The following RFC3 variants were observed in gnomAD, a reference collection of about 807,000 sequenced individuals.
RFC3 encodes A1 38 kDa subunit.
Under a neutral mutation model 45.1 loss-of-function variants are expected in RFC3, and 41 were observed. That is an observed-to-expected ratio of 0.91 (90% confidence interval 0.71 to 1.18). RFC3 has a LOEUF of 1.18. Ranked by LOEUF, RFC3 falls within the 50% of genes most tolerant of loss-of-function variation. The pLI is 0.00. For synonymous variants in RFC3, 149 were observed against 144.0 expected (o/e 1.03, Z -0.25); for missense variants, 423 against 428.1 (o/e 0.99, Z 0.10).
At chr13:33,857,091 T>C (rs1191433351) in intron 8 of RFC3, among the ~76,000 whole-genome samples, 1 of 152,244 alleles carries the variant, frequency 6.6e-6, no homozygotes, top group African/African-American at 2.4e-5. Context: ...TTTCATGTCT[T>C]TGAACTTAAA....
intron 8 of RFC3, among the ~76,000 whole-genome samples, chr13:33,856,645 A>G (rs955830267): frequency 2.6e-5 from 4 of 152,190 alleles, no homozygotes; most frequent in African/African-American, 7.2e-5. Context: ...TTGACTCCAG[A>G]AAGATTTTCC....
At chr13:33,895,358 T>C (rs1301914556) in intron 8 of RFC3, among the ~76,000 whole-genome samples, 2 of 152,080 alleles carry the variant, frequency 1.3e-5, no homozygotes, top group Non-Finnish European at 2.9e-5. Flanking sequence ...CAAAAGAAGA[T>C]GTACAAATGG....
intron 4 of RFC3, among the ~76,000 whole-genome samples, chr13:33,827,763 G>A (rs1289011453): frequency 1.3e-5 from 2 of 152,056 alleles, no homozygotes; most frequent in Non-Finnish European, 1.5e-5. Flanking sequence ...TCCTCTGCTC[G>A]TCTTTCTTGC....
chr13:33,880,197 T>G (rs569113163), intron 8 of RFC3, among the ~76,000 whole-genome samples: 58 of 152,204 alleles, frequency 3.8e-4, no homozygotes, highest in Non-Finnish European at 6.5e-4. Flanking sequence ...TCTGACACAC[T>G]TCTTACCATA....
At chr13:33,872,792 A>AACCCCCC (rs1555235482) in intron 8 of RFC3, among the ~76,000 whole-genome samples, 1 of 97,448 alleles carries the variant, frequency 1.0e-5, no homozygotes, top group Admixed American at 1.2e-4. Flanking sequence ...AAGAAACCAA[A>AACCCCCC]CCCCCCCCCC....
chr13:33,964,329 T>C (rs969729704), intron 8 of RFC3, among the ~76,000 whole-genome samples: 3 of 152,164 alleles, frequency 2.0e-5, no homozygotes, highest in African/African-American at 7.2e-5. Context: ...TAAGCTATAA[T>C]GAAAAGAATG....
intron 8 of RFC3, among the ~76,000 whole-genome samples, chr13:33,957,284 C>G (rs917051081): frequency 6.6e-6 from 1 of 152,198 alleles, no homozygotes; most frequent in African/African-American, 2.4e-5. Flanking sequence ...ATTGGATGAT[C>G]AAGCCTGCAT....
At chr13:33,833,181 C>T (rs997515569) in intron 7 of RFC3, among the ~76,000 whole-genome samples, 1 of 152,154 alleles carries the variant, frequency 6.6e-6, no homozygotes, top group Admixed American at 6.5e-5. Context: ...ATGATTACTT[C>T]TGATTTCTGA....
At chr13:33,929,199 C>G (rs1181770385) in intron 8 of RFC3, among the ~76,000 whole-genome samples, 2 of 151,976 alleles carry the variant, frequency 1.3e-5, no homozygotes, top group African/African-American at 4.8e-5. Context: ...GGAAATTATC[C>G]TAGAGAGTTG....
chr13:33,870,619 G>A (rs2082400965), intron 8 of RFC3, among the ~76,000 whole-genome samples: 1 of 152,144 alleles, frequency 6.6e-6, no homozygotes. Context: ...TAAAATTATT[G>A]CACAGGAGTG....
chr13:33,887,602 G>A (rs2082534583), intron 8 of RFC3, among the ~76,000 whole-genome samples: 1 of 152,094 alleles, frequency 6.6e-6, no homozygotes, highest in Non-Finnish European at 1.5e-5. Context: ...TCACTCTGAT[G>A]GTAGTTTCTT....
chr13:33,896,638 G>T (rs2137652237), intron 8 of RFC3, among the ~76,000 whole-genome samples: 1 of 136,282 alleles, frequency 7.3e-6, no homozygotes, highest in African/African-American at 2.6e-5. Context: ...CCTGAACTCA[G>T]GAGGCAGAGG....
chr13:33,851,259 T>C (rs1199290369), intron 8 of RFC3, among the ~76,000 whole-genome samples: 2 of 152,320 alleles, frequency 1.3e-5, no homozygotes, highest in East Asian at 3.9e-4. Context: ...AAAGATTGGA[T>C]TCCTTAGTTT....
At chr13:33,890,759 A>G (rs1232932263) in intron 8 of RFC3, among the ~76,000 whole-genome samples, 3 of 152,176 alleles carry the variant, frequency 2.0e-5, no homozygotes, top group Non-Finnish European at 4.4e-5. Context: ...TTGATGATGA[A>G]CATTGGCTCC....
chr13:33,945,458 G>C (rs550767558), intron 8 of RFC3, among the ~76,000 whole-genome samples: 55 of 152,286 alleles, frequency 3.6e-4, no homozygotes, highest in Non-Finnish European at 7.1e-4. Flanking sequence ...TAACTTCTGG[G>C]AGCACAAAGT....
chr13:33,916,009 G>T (rs1003522992), intron 8 of RFC3, among the ~76,000 whole-genome samples: 1 of 152,120 alleles, frequency 6.6e-6, no homozygotes, highest in Non-Finnish European at 1.5e-5. Flanking sequence ...ATGTTGGCCA[G>T]GCTGATCTCA....
At chr13:33,871,385 C>T (rs890243773) in intron 8 of RFC3, among the ~76,000 whole-genome samples, 7 of 152,178 alleles carry the variant, frequency 4.6e-5, no homozygotes, top group South Asian at 4.1e-4. Context: ...CTTCCAGAGG[C>T]CTTTTGCAAT....
chr13:33,827,884 G>C (rs1182312367), intron 4 of RFC3, among the ~76,000 whole-genome samples: 1 of 151,952 alleles, frequency 6.6e-6, no homozygotes, highest in Non-Finnish European at 1.5e-5. Context: ...TTTTTTTTAG[G>C]TCTGGGGCTC....
At chr13:33,874,132 G>C (rs919281328) in intron 8 of RFC3, among the ~76,000 whole-genome samples, 4 of 152,284 alleles carry the variant, frequency 2.6e-5, no homozygotes, top group African/African-American at 9.6e-5. Context: ...AAAGAGAGAA[G>C]TTGCATGCTA....
Sources: allele counts gnomAD v4.1 joint callset (sites outside exome capture counted in the v4.1 genomes callset), GRCh38; gene constraint gnomAD v4.1.1; transcripts MANE v1.5; gene names NCBI Gene and HGNC (gene_info 2026-07-23, HGNC 2026-07-21).